SLC25A48: variants seen among roughly 807,000 people sequenced by gnomAD.
SLC25A48 encodes CTC-321K16.1.
Under a neutral mutation model 32.2 loss-of-function variants are expected in SLC25A48, and 29 were observed. The observed-to-expected ratio is 0.90, with a 90% CI of 0.67 to 1.23. The LOEUF (loss-of-function observed/expected upper bound fraction) is 1.23. SLC25A48 is among the 50% of genes most tolerant of loss of function. The probability of loss-of-function intolerance (pLI) is 0.00; values close to 1 mark genes in which losing one functional copy is unlikely to be tolerated. For synonymous variants in SLC25A48, 164 were observed against 172.3 expected, an observed-to-expected ratio of 0.95 and a Z score of 0.38; for missense variants, 399 against 422.7, an observed-to-expected ratio of 0.94 and a Z score of 0.49.
intron 4 of SLC25A48, among the ~76,000 whole-genome samples, chr5:135,816,077 C>A (rs986520733): frequency 2.0e-5 from 3 of 152,088 alleles, no homozygotes; most frequent in African/African-American, 7.2e-5. Flanking sequence ...CGCATGGTGG[C>A]AGGAGAGAGA....
intron 3 of SLC25A48, among the ~76,000 whole-genome samples, chr5:135,700,294 C>T (rs1374998148): frequency 1.4e-5 from 2 of 141,632 alleles, no homozygotes; most frequent in East Asian, 4.2e-4. Context: ...ATTGCTTAAA[C>T]CCAGGAGGGG....
chr5:135,722,602 G>C (rs890385859), intron 3 of SLC25A48, among the ~76,000 whole-genome samples: 1 of 152,156 alleles, frequency 6.6e-6, no homozygotes, highest in African/African-American at 2.4e-5. Flanking sequence ...TAGTCTCTTC[G>C]GAGACTGTTT....
At chr5:135,599,385 C>T (rs1029377891) in intron 1 of SLC25A48, among the ~76,000 whole-genome samples, 7 of 152,204 alleles carry the variant, frequency 4.6e-5, no homozygotes, top group African/African-American at 1.7e-4. Context: ...GTGCCCCGCT[C>T]CTGTCAGATT....
chr5:135,617,341 CTCTTT>C (rs1752213942), intron 1 of SLC25A48, among the ~76,000 whole-genome samples: 2 of 151,914 alleles, frequency 1.3e-5, no homozygotes, highest in East Asian at 1.9e-4. Context: ...TTGGGGTCTT[CTCTTT>C]TCTTCTAGGT....
chr5:135,646,659 T>TTTTA, intron 3 of SLC25A48, among the ~76,000 whole-genome samples: 1 of 125,400 alleles, frequency 8.0e-6, no homozygotes, highest in African/African-American at 3.0e-5. Context: ...TAATTTCCCA[T>TTTTA]TATATATATA....
intron 3 of SLC25A48, among the ~76,000 whole-genome samples, chr5:135,709,489 C>T (rs1480630363): frequency 6.6e-6 from 1 of 152,210 alleles, no homozygotes; most frequent in South Asian, 2.1e-4. Flanking sequence ...ACACCCCACC[C>T]CAAAGGTTCG....
In SLC25A48 at chr5:135,844,613, T is replaced by C. The variant is rs563449658; in HGVS notation, c.90+2154T>C. Among the ~76,000 whole-genome samples the C allele has an allele frequency of 2.6e-5, 4 of 152,360 alleles. No individual in the cohort carries two copies. In the South Asian group the frequency reaches 6.2e-4, roughly 24 times the overall value. On this transcript the variant is annotated intron_variant, in intron 2 of 7. Coordinates refer to ENST00000681962, the MANE Select transcript of SLC25A48 (RefSeq NM_001349336.2). The stretch of plus-strand genomic sequence containing the variant: ...GGCTTACAGGGTCAGTGTAAGATTA[T>C]AAGCATTGTTTCTGGTACCTAGCAG...
rs1472389131 is a variant in SLC25A48 at position 135,880,006 on chromosome 5, C to T, written c.852C>T (p.Gly284=). ...GCATCACTGTGAACGCGGTGCGGGG[C>T]TTCCCCATGAGTGCGGCCATGTTCC... The part of the protein sequence containing the change: ...FRGITVNAVR[G]FPMSAAMFLG... The change falls in exon 7 of 8, where the codon GGC becomes GGT. Residue 284 remains glycine (G), a synonymous_variant. Coordinates refer to ENST00000681962, the MANE Select transcript of SLC25A48 (RefSeq NM_001349336.2). The T allele has an allele frequency of 3.3e-6, 5 of 1,536,316 alleles. No individual in the cohort carries two copies. Among genetic ancestry groups the T allele is most frequent in the Non-Finnish European group, 8.7e-7 (1 of 1,146,968 alleles).
chr5:135,781,018 G>T (rs1756705241), intron 3 of SLC25A48, among the ~76,000 whole-genome samples: 1 of 116,552 alleles, frequency 8.6e-6, no homozygotes, highest in African/African-American at 2.6e-5. Context: ...ATATCCAGGG[G>T]GGAGATGATG....
At chr5:135,767,761 T>C (rs913774652) in intron 3 of SLC25A48, among the ~76,000 whole-genome samples, 1 of 151,526 alleles carries the variant, frequency 6.6e-6, no homozygotes, top group Non-Finnish European at 1.5e-5. Flanking sequence ...ACTTCTAATA[T>C]CGTAAACACC....
At chr5:135,806,895 A>G (rs1757475323) in intron 3 of SLC25A48, among the ~76,000 whole-genome samples, 1 of 150,328 alleles carries the variant, frequency 6.7e-6, no homozygotes, top group Admixed American at 6.6e-5. Context: ...TTAACACTAG[A>G]TATTATGAAT....
chr5:135,788,285 C>G (rs1203530290), intron 3 of SLC25A48, among the ~76,000 whole-genome samples: 2 of 149,766 alleles, frequency 1.3e-5, no homozygotes, highest in Non-Finnish European at 3.0e-5. Context: ...GGGGGATGTA[C>G]AGCCCCTTGC....
chr5:135,879,177 T>A (rs77745361), intron 6 of SLC25A48, among the ~76,000 whole-genome samples: 1 of 152,128 alleles, frequency 6.6e-6, no homozygotes, highest in Admixed American at 6.5e-5. Flanking sequence ...TTCCTGAGCA[T>A]GCATCCTAGT....
chr5:135,644,837 T>G (rs1039279682), intron 3 of SLC25A48, among the ~76,000 whole-genome samples: 2 of 152,320 alleles, frequency 1.3e-5, no homozygotes, highest in South Asian at 4.2e-4. Flanking sequence ...CACCTAGCAC[T>G]GATTTTACCT....
chr5:135,658,140 T>C (rs1477799742), intron 3 of SLC25A48, among the ~76,000 whole-genome samples: 1 of 152,210 alleles, frequency 6.6e-6, no homozygotes, highest in Non-Finnish European at 1.5e-5. Context: ...AAGTTTAATC[T>C]GAGACAAGGC....
At chr5:135,617,384 G>C (rs1036105529) in intron 1 of SLC25A48, among the ~76,000 whole-genome samples, 3 of 151,494 alleles carry the variant, frequency 2.0e-5, no homozygotes, top group Non-Finnish European at 4.4e-5. Flanking sequence ...TATCAATTTT[G>C]TTTATTTGTT....
intron 3 of SLC25A48, among the ~76,000 whole-genome samples, chr5:135,812,339 ATT>A (rs1315834267): frequency 6.6e-6 from 1 of 152,040 alleles, no homozygotes; most frequent in Non-Finnish European, 1.5e-5. Flanking sequence ...TTTTTTAGTT[ATT>A]TTTAAATGTG....
chr5:135,643,970 C>T (rs1283131408), intron 3 of SLC25A48, among the ~76,000 whole-genome samples: 8 of 152,102 alleles, frequency 5.3e-5, no homozygotes, highest in Non-Finnish European at 1.2e-4. Flanking sequence ...GTTTAAACTC[C>T]AGAGCCCACA....
At chr5:135,759,189 A>G (rs1349953056) in intron 3 of SLC25A48, among the ~76,000 whole-genome samples, 1 of 152,124 alleles carries the variant, frequency 6.6e-6, no homozygotes, top group Admixed American at 6.6e-5. Flanking sequence ...TTAACATACT[A>G]TGATATGAAG....
Sources: gnomAD v4.1 joint callset for allele counts (sites outside exome capture counted in the v4.1 genomes callset) on GRCh38, gnomAD v4.1.1 for gene constraint, MANE v1.5 for transcripts, NCBI Gene and HGNC (gene_info 2026-07-23, HGNC 2026-07-21) for gene names.